Variants in UBE3B observed in about 807,000 individuals in gnomAD.
UBE3B encodes the protein ubiquitin protein ligase E3B, also known as ubiquitin-protein ligase E3B.
UBE3B carries 80 observed loss-of-function variants against 132.3 expected under a neutral mutation model. The observed-to-expected ratio is 0.60, with a 90% CI of 0.50 to 0.73. The LOEUF (loss-of-function observed/expected upper bound fraction) is 0.73, where lower values mean the gene tolerates loss of function less well. Among genes scored for constraint, UBE3B ranks in the 30% least tolerant of loss-of-function variants. UBE3B has a pLI of 0.00. For missense variants in UBE3B, 1,196 were observed against 1,362.5 expected (o/e 0.88, Z 1.92); for synonymous variants, 487 against 520.4 (o/e 0.94, Z 0.87).
intron 14 of UBE3B, among the ~76,000 whole-genome samples, chr12:109,504,564 C>G (rs963682206): frequency 6.6e-6 from 1 of 152,106 alleles, no homozygotes; most frequent in Non-Finnish European, 1.5e-5. Flanking sequence ...TGTGAGGAGT[C>G]TGTTGTGTTG....
intron 26 of UBE3B, among the ~76,000 whole-genome samples, 188 bp from the exon 27 acceptor site, chr12:109,533,278 C>A (rs946578289): frequency 6.6e-6 from 1 of 152,168 alleles, no homozygotes; most frequent in South Asian, 2.1e-4. Flanking sequence ...GAGAGCAGCA[C>A]CCTTGAGAGA....
intron 26 of UBE3B, among the ~76,000 whole-genome samples, chr12:109,533,207 C>A (rs1484884519): frequency 6.6e-6 from 1 of 152,198 alleles, no homozygotes; most frequent in Admixed American, 6.5e-5. Context: ...TGCAGTCACA[C>A]GTGCTCTCAC....
intron 2 of UBE3B, among the ~76,000 whole-genome samples, chr12:109,482,057 GTAT>G (rs923517277): frequency 6.6e-6 from 1 of 152,116 alleles, no homozygotes; most frequent in East Asian, 1.9e-4. Context: ...TTATAAAAGG[GTAT>G]TATTTTATTG....
rs1782539925 is a variant in UBE3B, at chr12:109,521,653, C to A, written c.2364+102C>A. ...GATCAGGCTTGGCCATGTAAACTGT[C>A]ACTAGGATACAAGCGAGGACAGGGG... On this transcript the variant is annotated intron_variant, in intron 21 of 27. Coordinates refer to ENST00000342494, the MANE Select transcript of UBE3B (RefSeq NM_130466.4). The surrounding 1 kb of genome is among the most constrained non-coding windows in gnomAD (Gnocchi z 4.2). The A allele has an allele frequency of 2.8e-6, 3 of 1,081,638 alleles. No individual in the cohort carries two copies. The highest frequency in any genetic ancestry group is 2.1e-4 in the Middle Eastern group (1 of 4,720). The allele number at this position is 1,081,638 out of a possible 1,614,324, so 67.0% of individuals were successfully genotyped here.
chr12:109,511,357 T>G, intron 18 of UBE3B, 54 bp downstream of exon 18: 124 of 1,459,890 alleles, frequency 8.5e-5, no homozygotes, highest in Non-Finnish European at 1.0e-4. Flanking sequence ...CCCCACGTGG[T>G]TCCTGCCTTT....
intron 26 of UBE3B, 127 bp from the exon 27 acceptor site, chr12:109,533,339 A>G: frequency 1.1e-6 from 1 of 881,998 alleles, no homozygotes; most frequent in Non-Finnish European, 1.8e-6. Flanking sequence ...GCCACTCCAT[A>G]CGGCTGGCTA....
chr12:109,509,660 A>G lies in UBE3B; in HGVS notation c.1687A>G (p.Ile563Val), dbSNP rs778443017. ...ISFKLEELVT[I>V]SSFLNSFVFK... is the part of the protein sequence containing the mutation. ...ATTCAAACTGGAAGAGCTGGTCACT[A>G]TCTCCTCTTTCCTGAATTCTTTTGT... Residue 563 changes from isoleucine to valine, a missense_variant, in exon 16 of 28, where the codon ATC becomes GTC. Coordinates refer to ENST00000342494, the MANE Select transcript of UBE3B (RefSeq NM_130466.4). 16 of 1,611,616 alleles carry G rather than the reference A, an allele frequency of 9.9e-6. No homozygotes were observed. The highest frequency in any genetic ancestry group is 1.3e-5 in the Non-Finnish European group (15 of 1,179,518).
intron 19 of UBE3B, chr12:109,518,099 C>G (rs191554789): frequency 3.9e-6 from 1 of 257,296 alleles, no homozygotes; most frequent in South Asian, 3.8e-5. Context: ...ATTACAGGAG[C>G]ATTCTGTTTG....
chr12:109,513,344 G>A (rs527418518), intron 18 of UBE3B, among the ~76,000 whole-genome samples: 17 of 152,322 alleles, frequency 1.1e-4, no homozygotes, highest in African/African-American at 3.8e-4. Context: ...GGAGAACACA[G>A]TGAGACACCA....
At chr12:109,504,150 C>T (rs1182211273) in intron 14 of UBE3B, among the ~76,000 whole-genome samples, 2 of 152,198 alleles carry the variant, frequency 1.3e-5, no homozygotes, top group Non-Finnish European at 2.9e-5. Context: ...ATTTCTCAGC[C>T]TTAGCATTAT....
intron 18 of UBE3B, among the ~76,000 whole-genome samples, chr12:109,515,648 C>T (rs571103016): frequency 1.3e-5 from 2 of 152,316 alleles, no homozygotes; most frequent in South Asian, 2.1e-4. Context: ...GGATTACAGG[C>T]GTGAGCCACT....
At chr12:109,524,218 G>C in intron 22 of UBE3B, 103 bp downstream of exon 22, 1 of 1,517,796 alleles carries the variant, frequency 6.6e-7, no homozygotes, top group Non-Finnish European at 8.9e-7. Context: ...TGCTGTTGCT[G>C]TAGCTGCTAC....
intron 1 of UBE3B, among the ~76,000 whole-genome samples, chr12:109,479,458 A>C (rs969320353): frequency 6.6e-6 from 1 of 152,228 alleles, no homozygotes; most frequent in African/African-American, 2.4e-5. Context: ...ACTGAGGCCT[A>C]GAGAGGATAA....
intron 1 of UBE3B, among the ~76,000 whole-genome samples, chr12:109,480,170 T>A (rs996890104): frequency 2.0e-5 from 3 of 150,964 alleles, no homozygotes; most frequent in African/African-American, 7.3e-5. Context: ...ACTGTCCAGG[T>A]GGGAGCCTCT....
At chr12:109,546,598 G>C in the UBE3B span, among the ~76,000 whole-genome samples, 3 of 152,152 alleles carry the variant, frequency 2.0e-5, no homozygotes, top group Non-Finnish European at 4.4e-5. Flanking sequence ...GAAAATTCAG[G>C]GATTGAAGTA....
rs769116854 is a variant in UBE3B, at chr12:109,498,233, C to A, written c.820C>A (p.Arg274Ser). The stretch of plus-strand genomic sequence containing the variant: ...TTTAACGGTCTGCTATTCTTTGCAG[C>A]GCCTCACTGTTTTAGAATCCCATGA... ...VTHLSTVTPE[R>S]LTVLESHDML... Residue 274 changes from arginine (R) to serine (S), a missense_variant and splice_region_variant, in exon 11 of 28, where the codon CGC becomes AGC. Transcript: ENST00000342494. 1.2e-6 allele frequency: 2 copies of A among 1,613,840 alleles called. No individual in the cohort carries two copies. The highest frequency in any genetic ancestry group is 2.2e-5 in the East Asian group (1 of 44,866).
At chr12:109,490,095 C>T (rs746667475) in intron 8 of UBE3B, 91 bp downstream of exon 8, 1 of 1,286,152 alleles carries the variant, frequency 7.8e-7, no homozygotes, top group Admixed American at 1.7e-5. Context: ...TACCTGGTGT[C>T]CTCCTCAGAA....
intron 7 of UBE3B, among the ~76,000 whole-genome samples, chr12:109,489,090 A>G (rs1301676757): frequency 6.6e-6 from 1 of 152,278 alleles, no homozygotes; most frequent in Non-Finnish European, 1.5e-5. Context: ...TCATATGGTC[A>G]TTTCATTCAT....
At chr12:109,547,478 C>T in the UBE3B span, among the ~76,000 whole-genome samples, 3 of 152,248 alleles carry the variant, frequency 2.0e-5, no homozygotes, top group Non-Finnish European at 4.4e-5. This position sits in a 1 kb window ranked among gnomAD's most constrained non-coding sequence, Gnocchi z 4.1. Context: ...CACACGCACA[C>T]GCATGCATGC....
Sources: gnomAD v4.1 joint callset for allele counts (sites outside exome capture counted in the v4.1 genomes callset) on GRCh38, gnomAD v4.1.1 for gene constraint, Gnocchi (gnomAD v3.1) non-coding constraint, MANE v1.5 for transcripts, NCBI Gene and HGNC (gene_info 2026-07-23, HGNC 2026-07-21) for gene names.